SOX6: variants seen among roughly 807,000 people sequenced by gnomAD.
SOX6 encodes transcription factor SOX-6.
A neutral mutation model predicts 97.8 loss-of-function variants in SOX6; 11 were observed. That is an observed-to-expected ratio of 0.11 (90% CI 0.07 to 0.19). The LOEUF (loss-of-function observed/expected upper bound fraction) is 0.19, where lower values mean the gene tolerates loss of function less well. Ranked by LOEUF, SOX6 falls within the 10% of genes least tolerant of loss-of-function variation. SOX6 has a pLI of 1.00. For synonymous variants in SOX6, 360 were observed against 371.4 expected, an observed-to-expected ratio of 0.97 and a Z score of 0.35; for missense variants, 810 against 1,039.5, an observed-to-expected ratio of 0.78 and a Z score of 3.04.
intron 3 of SOX6, among the ~76,000 whole-genome samples, chr11:16,664,315 G>A (rs896540376): frequency 1.3e-5 from 2 of 152,184 alleles, no homozygotes; most frequent in African/African-American, 4.8e-5. Flanking sequence ...GTCTTGAATT[G>A]TTGATGCCAC....
intron 4 of SOX6, among the ~76,000 whole-genome samples, chr11:16,575,424 A>G (rs903879046): frequency 3.9e-5 from 6 of 152,170 alleles, no homozygotes; most frequent in South Asian, 2.1e-4. Flanking sequence ...ACACATGGCC[A>G]CTAAGAATGA....
intron 12 of SOX6, among the ~76,000 whole-genome samples, chr11:16,024,891 AAGCG>A (rs1855172914): frequency 6.6e-6 from 1 of 152,080 alleles, no homozygotes; most frequent in African/African-American, 2.4e-5. Context: ...ACTCCAAAAT[AAGCG>A]AGTTCTGTCT....
Position 15,981,596 on chromosome 11 carries a change from C to T in SOX6, c.2183+4608G>A, listed in dbSNP as rs150214742. 1.7e-3 allele frequency among the ~76,000 whole-genome samples: 259 copies of T among 152,114 alleles called. 1 individual carries two copies. The highest frequency in any genetic ancestry group is 5.2e-3 in the African/African-American group (214 of 41,512). On this transcript the variant is annotated intron_variant, in intron 15 of 15. Coordinates refer to ENST00000683767, the MANE Select transcript of SOX6 (RefSeq NM_001367873.1). ...GGAACAGAAATAATAATAATCTGTTCACTTTACCTATTGAATGTTCTAATC... is the reference window on the plus strand; with the variant it reads ...GGAACAGAAATAATAATAATCTGTTTACTTTACCTATTGAATGTTCTAATC...
At chr11:16,219,332 T>G (rs1004869922) in intron 4 of SOX6, among the ~76,000 whole-genome samples, 6 of 152,096 alleles carry the variant, frequency 3.9e-5, no homozygotes, top group African/African-American at 1.4e-4. Context: ...GTAATTTTAT[T>G]TAAAATCACC....
At chr11:16,709,253 C>T (rs1027101664) in intron 3 of SOX6, among the ~76,000 whole-genome samples, 8 of 151,578 alleles carry the variant, frequency 5.3e-5, no homozygotes, top group Non-Finnish European at 1.0e-4. Flanking sequence ...CATGCTGGCT[C>T]ACACCTGTAA....
chr11:16,468,071 A>C (rs1248754570), intron 1 of SOX6, among the ~76,000 whole-genome samples: 2 of 152,208 alleles, frequency 1.3e-5, no homozygotes, highest in Non-Finnish European at 1.5e-5. Flanking sequence ...ATTCAAATTT[A>C]TTAGCAGCTC....
chr11:16,007,931 C>A (rs2133853728), intron 13 of SOX6, among the ~76,000 whole-genome samples: 1 of 152,174 alleles, frequency 6.6e-6, no homozygotes, highest in Non-Finnish European at 1.5e-5. Flanking sequence ...TAGTATTAAT[C>A]TTTCATTGCT....
At chr11:16,425,325 C>T (rs560073829) in intron 1 of SOX6, among the ~76,000 whole-genome samples, 1 of 152,306 alleles carries the variant, frequency 6.6e-6, no homozygotes, top group African/African-American at 2.4e-5. Flanking sequence ...TTTATTCATT[C>T]AGCAAATATT....
At chr11:16,198,778 C>G (rs572194793) in intron 4 of SOX6, among the ~76,000 whole-genome samples, 8 of 152,120 alleles carry the variant, frequency 5.3e-5, no homozygotes, top group East Asian at 1.9e-4. Flanking sequence ...GTAGAGGGAG[C>G]AAATACAGAT....
intron 3 of SOX6, among the ~76,000 whole-genome samples, chr11:16,653,725 C>T (rs1000553942): frequency 1.3e-4 from 20 of 152,026 alleles, no homozygotes; most frequent in African/African-American, 2.2e-4. Flanking sequence ...CAGTAAGTAA[C>T]TTATCCATGT....
At chr11:16,331,375 G>C (rs2134324280) in intron 2 of SOX6, among the ~76,000 whole-genome samples, 1 of 152,212 alleles carries the variant, frequency 6.6e-6, no homozygotes, top group South Asian at 2.1e-4. Flanking sequence ...TCAAGGCCCA[G>C]TTTGCCTAAA....
chr11:15,972,989 C>T lies in SOX6; in HGVS notation c.2307G>A (p.Pro769=), dbSNP rs746976812. ...TCTGGATGACCGGGAGGCTGGGCTC[C>T]GGGCTGGCCGAGGTGCTAGAGCAGT... The part of the protein sequence containing the change: ...TSDCSSTSAS[P]EPSLPVIQST... Residue 769 remains proline, a synonymous_variant, in exon 16 of 16, where the codon CCG becomes CCA. Coordinates refer to ENST00000683767, the MANE Select transcript of SOX6 (RefSeq NM_001367873.1). 5.2e-5 allele frequency: 84 copies of T among 1,614,174 alleles called. 1 individual carries two copies. The South Asian group carries it at 6.0e-4, about 12-fold the overall frequency.
intron 1 of SOX6, among the ~76,000 whole-genome samples, chr11:16,440,684 G>T (rs891655475): frequency 2.6e-5 from 4 of 152,076 alleles, no homozygotes; most frequent in Admixed American, 1.3e-4. Flanking sequence ...TTGCCCTGCA[G>T]CAAGTTTAAC....
intron 4 of SOX6, among the ~76,000 whole-genome samples, chr11:16,583,589 A>G (rs942991572): frequency 9.8e-6 from 1 of 101,938 alleles, no homozygotes; most frequent in African/African-American, 3.9e-5. Flanking sequence ...GTATATATAT[A>G]TATGTATATA....
chr11:15,999,917 A>G (rs1854352394), intron 13 of SOX6, among the ~76,000 whole-genome samples: 1 of 152,178 alleles, frequency 6.6e-6, no homozygotes, highest in Non-Finnish European at 1.5e-5. Context: ...TACCGAATGC[A>G]TTAGAAACAA....
At chr11:16,140,198 G>T (rs1287711750) in intron 6 of SOX6, among the ~76,000 whole-genome samples, 1 of 152,046 alleles carries the variant, frequency 6.6e-6, no homozygotes, top group East Asian at 1.9e-4. Context: ...CCACCACTAT[G>T]AGAAGCCACT....
intron 3 of SOX6, chr11:16,315,002 A>G (rs1051085056): frequency 2.0e-5 from 3 of 152,342 alleles, no homozygotes; most frequent in African/African-American, 7.2e-5. Context: ...CAGTGGCATG[A>G]TCTCAGCTCA....
At chr11:16,317,126 A>G (rs1356951919) in intron 3 of SOX6, 1 of 151,920 alleles carries the variant, frequency 6.6e-6, no homozygotes, top group Admixed American at 6.6e-5. Context: ...TATCAAGCAG[A>G]CACAAAAACT....
chr11:16,373,837 A>G (rs1366911924), intron 1 of SOX6, among the ~76,000 whole-genome samples: 1 of 8,176 alleles, frequency 1.2e-4, no homozygotes, highest in Non-Finnish European at 2.1e-4. Flanking sequence ...GGAAGGAAGG[A>G]AGGAAGGAAG....
Sources: allele counts gnomAD v4.1 joint callset (sites outside exome capture counted in the v4.1 genomes callset), GRCh38; gene constraint gnomAD v4.1.1; transcripts MANE v1.5; gene names NCBI Gene and HGNC (gene_info 2026-07-23, HGNC 2026-07-21).